PTPRC: variants seen among roughly 807,000 people sequenced by gnomAD.
PTPRC encodes the protein protein tyrosine phosphatase receptor type C.
A neutral mutation model predicts 155.9 loss-of-function variants in PTPRC; 44 were observed. The observed-to-expected ratio is 0.28, with a 90% confidence interval of 0.22 to 0.36. The LOEUF is 0.36. Among genes scored for constraint, PTPRC ranks in the 10% least tolerant of loss-of-function variants. The pLI, the probability that PTPRC is intolerant of heterozygous loss-of-function variation, is 1.00. For synonymous variants in PTPRC, 525 were observed against 533.1 expected (o/e 0.98, Z 0.21); for missense variants, 1,401 against 1,564.6 (o/e 0.90, Z 1.76).
At chr1:198,647,322 G>C (rs528954187) in intron 2 of PTPRC, among the ~76,000 whole-genome samples, 3 of 151,954 alleles carry the variant, frequency 2.0e-5, no homozygotes, top group South Asian at 4.1e-4. Flanking sequence ...CTGGGTCTCT[G>C]CTTATTTGCC....
intron 31 of PTPRC, among the ~76,000 whole-genome samples, chr1:198,753,298 G>A (rs183552760): frequency 1.8e-4 from 27 of 152,090 alleles, no homozygotes; most frequent in African/African-American, 6.5e-4. Flanking sequence ...GGCAAAGATT[G>A]TGGTAATATC....
intron 14 of PTPRC, among the ~76,000 whole-genome samples, chr1:198,720,999 C>T (rs1379698492): frequency 6.6e-6 from 1 of 152,176 alleles, no homozygotes; most frequent in Non-Finnish European, 1.5e-5. Context: ...CTCTCCCACT[C>T]TTCAAATCGT....
chr1:198,737,344 C>G (rs181689607), intron 23 of PTPRC, among the ~76,000 whole-genome samples: 133 of 144,006 alleles, frequency 9.2e-4, no homozygotes, highest in African/African-American at 3.5e-3. Context: ...TAAGTCTAAT[C>G]CATTTTTTTT....
chr1:198,739,464 A>T (rs1654800048), intron 23 of PTPRC, among the ~76,000 whole-genome samples: 1 of 151,830 alleles, frequency 6.6e-6, no homozygotes, highest in African/African-American at 2.4e-5. Flanking sequence ...CAACACAAAA[A>T]CTAATAAAAG....
chr1:198,728,248 A>G (rs887191497), intron 15 of PTPRC, 92 bp from the exon 16 acceptor site: 1 of 928,700 alleles, frequency 1.1e-6, no homozygotes, highest in Admixed American at 2.5e-5. Flanking sequence ...ATTTAAAAAT[A>G]TTAAAATATA....
At chr1:198,698,802 A>ATATATGTAC in intron 4 of PTPRC, among the ~76,000 whole-genome samples, 1 of 152,234 alleles carries the variant, frequency 6.6e-6, no homozygotes, top group South Asian at 2.1e-4. Context: ...ATATAGGATT[A>ATATATGTAC]AAGTATATAA....
chr1:198,749,544 A>G lies in PTPRC; in HGVS notation c.3067A>G (p.Ile1023Val), dbSNP rs779502543. Reference sequence around the variant, plus strand: ...AAGCAAATACATCAATGCATCTTTTATAATGGTAGGTACTTAAATTGCCAA... The same window carrying G: ...AAGCAAATACATCAATGCATCTTTTGTAATGGTAGGTACTTAAATTGCCAA... ...EPSKYINASF[I>V]MSYWKPEVMI... Residue 1023 changes from isoleucine to valine, a missense_variant, in exon 28 of 33, where the codon ATA becomes GTA. Transcript: ENST00000442510. 4 of 1,610,562 alleles carry G rather than the reference A, an allele frequency of 2.5e-6. No individual in the cohort carries two copies. Among genetic ancestry groups the G allele is most frequent in the Non-Finnish European group, 3.4e-6 (4 of 1,177,944 alleles).
In PTPRC at chr1:198,732,361, A is replaced by C. The variant is rs747237754; in HGVS notation, c.2036A>C (p.Asn679Thr). The change falls in exon 19 of 33, where the codon AAT becomes ACT. Residue 679 changes from asparagine to threonine, a missense_variant. Physicochemically the swap from Asn to Thr is moderately conservative, Grantham distance 65. This residue lies in a region of PTPRC where 867 missense variants were observed against 970.4 expected (regional missense o/e 0.89). Transcript: ENST00000442510. Reference sequence around the variant, plus strand: ...GAAGCTCGAAAGCCCTTTAACCAGAATAAAAACCGTTATGTTGACATTCTT... The same window carrying C: ...GAAGCTCGAAAGCCCTTTAACCAGACTAAAAACCGTTATGTTGACATTCTT... ...IKEARKPFNQ[N>T]KNRYVDILPY... The C allele has an allele frequency of 1.2e-6, 2 of 1,612,508 alleles. No individual in the cohort carries two copies. Among genetic ancestry groups the C allele is most frequent in the Non-Finnish European group, 1.7e-6 (2 of 1,178,980 alleles).
intron 3 of PTPRC, chr1:198,694,078 A>G: frequency 6.5e-7 from 1 of 1,549,358 alleles, no homozygotes; most frequent in Non-Finnish European, 8.7e-7. Flanking sequence ...AAAAGTAGGG[A>G]AGCTGACAGT....
intron 4 of PTPRC, among the ~76,000 whole-genome samples, chr1:198,697,318 C>G (rs752178322): frequency 6.6e-6 from 1 of 152,188 alleles, no homozygotes; most frequent in Non-Finnish European, 1.5e-5. Flanking sequence ...TTGTTTCACT[C>G]TAGATTCTCT....
chr1:198,734,161 A>G, intron 20 of PTPRC, 35 bp from the exon 21 acceptor site: 1 of 1,599,264 alleles, frequency 6.3e-7, no homozygotes, highest in Non-Finnish European at 8.5e-7. Flanking sequence ...TTGAATGTTC[A>G]GCAAATGACA....
chr1:198,731,087 A>T (rs1654365134), intron 17 of PTPRC, among the ~76,000 whole-genome samples: 1 of 152,068 alleles, frequency 6.6e-6, no homozygotes, highest in Admixed American at 6.6e-5. Flanking sequence ...ATGGTATATA[A>T]TGTGTTTCAT....
At chr1:198,640,321 A>T (rs1662507489) in intron 2 of PTPRC, among the ~76,000 whole-genome samples, 1 of 152,044 alleles carries the variant, frequency 6.6e-6, no homozygotes, top group Non-Finnish European at 1.5e-5. Flanking sequence ...AAAGTATTTT[A>T]AAACAACTTG....
intron 10 of PTPRC, 74 bp from the exon 11 acceptor site, chr1:198,709,613 T>C (rs1220107527): frequency 1.9e-5 from 24 of 1,253,060 alleles, no homozygotes; most frequent in Non-Finnish European, 1.1e-6. Flanking sequence ...GAATTATAAA[T>C]GTGAAATTAG....
chr1:198,728,263 C>T lies in PTPRC; in HGVS notation c.1721-77C>T, dbSNP rs540493778. On this transcript the variant is annotated intron_variant, in intron 15 of 32. Coordinates refer to ENST00000442510, the MANE Select transcript of PTPRC (RefSeq NM_002838.5). Reference sequence around the variant, plus strand: ...ATTTAAAAATATTAAAATATAAATACTTTGGAGGTGATTATTCAACCAGTC... The same window carrying T: ...ATTTAAAAATATTAAAATATAAATATTTTGGAGGTGATTATTCAACCAGTC... 3.2e-5 allele frequency: 36 copies of T among 1,109,542 alleles called. No individual in the cohort carries two copies. The East Asian group carries it at 8.5e-4, about 26-fold the overall frequency. The allele number at this position is 1,109,542 out of a possible 1,614,324, so 68.7% of individuals were successfully genotyped here.
At chr1:198,748,396 T>C (rs1409328503) in intron 27 of PTPRC, among the ~76,000 whole-genome samples, 197 bp downstream of exon 27, 1 of 151,786 alleles carries the variant, frequency 6.6e-6, no homozygotes, top group Non-Finnish European at 1.5e-5. Flanking sequence ...ACAATGGGCT[T>C]TGGAGGGTAG....
At position 198,711,985 on chromosome 1, in the gene PTPRC, G is replaced by C. The variant is rs143375372; in HGVS notation, c.1172-968G>C. Among the ~76,000 whole-genome samples the C allele has an allele frequency of 4.6e-5, 7 of 152,262 alleles. No individual in the cohort carries two copies. In the East Asian group the frequency reaches 1.3e-3, roughly 29 times the overall value. ...ACGGATACTACTAACTATTGGTCAG[G>C]ATGTGCAGCCATGACCCAGGAATTT... On this transcript the variant is annotated intron_variant, in intron 11 of 32. Coordinates refer to ENST00000442510, the MANE Select transcript of PTPRC (RefSeq NM_002838.5).
intron 2 of PTPRC, among the ~76,000 whole-genome samples, chr1:198,691,017 A>G (rs1665894814): frequency 6.6e-6 from 1 of 152,014 alleles, no homozygotes; most frequent in Non-Finnish European, 1.5e-5. Context: ...CCTTCTCGAA[A>G]CACCCTCTAC....
chr1:198,738,976 A>T (rs1326368703), intron 23 of PTPRC, among the ~76,000 whole-genome samples: 1 of 151,812 alleles, frequency 6.6e-6, no homozygotes, highest in East Asian at 1.9e-4. Flanking sequence ...ATTATATTAC[A>T]CTTTGCTTGT....
Sources: allele counts gnomAD v4.1 joint callset (sites outside exome capture counted in the v4.1 genomes callset), GRCh38; gene constraint gnomAD v4.1.1; regional missense constraint gnomAD v4.1.1; transcripts MANE v1.5; gene names NCBI Gene and HGNC (gene_info 2026-07-23, HGNC 2026-07-21).